Variants in ARHGAP15 observed in about 807,000 individuals in gnomAD.
ARHGAP15 encodes the protein Rho GTPase activating protein 15.
ARHGAP15 carries 51 observed loss-of-function variants against 63.7 expected under a neutral mutation model. The ratio of observed to expected loss-of-function variants is 0.80; its 90% CI spans 0.64 to 1.01. The LOEUF is 1.01. Among genes scored for constraint, ARHGAP15 ranks in the 50% least tolerant of loss-of-function variants. ARHGAP15 has a pLI of 0.00. For synonymous variants in ARHGAP15, 191 were observed against 193.8 expected (o/e 0.99, Z 0.12); for missense variants, 560 against 564.6 (o/e 0.99, Z 0.08).
In ARHGAP15 at chr2:143,410,318, T is replaced by A. The variant is rs73001525; in HGVS notation, c.475-25283T>A. On this transcript the variant is annotated intron_variant, in intron 6 of 13. Transcript: ENST00000295095. ...TTCATCAACTACTGATGTGGACACA[T>A]GTGCATAGTAACAAATTCATCTTTG... Among the ~76,000 whole-genome samples, 709 of 152,202 alleles carry A rather than the reference T, an allele frequency of 4.7e-3. 8 individuals carry two copies. The highest frequency in any genetic ancestry group is 0.016 in the African/African-American group (668 of 41,550).
intron 11 of ARHGAP15, among the ~76,000 whole-genome samples, chr2:143,593,872 T>C (rs141516340): frequency 6.6e-6 from 1 of 152,222 alleles, no homozygotes; most frequent in Non-Finnish European, 1.5e-5. Context: ...CTGTGCAAAA[T>C]ATTTATGTGC....
intron 6 of ARHGAP15, among the ~76,000 whole-genome samples, chr2:143,383,577 C>T (rs919545725): frequency 6.6e-6 from 1 of 152,130 alleles, no homozygotes; most frequent in African/African-American, 2.4e-5. Flanking sequence ...ATTTGTATAA[C>T]ATTCTCGATA....
At chr2:143,605,516 C>T (rs1017998662) in intron 11 of ARHGAP15, among the ~76,000 whole-genome samples, 4 of 152,006 alleles carry the variant, frequency 2.6e-5, no homozygotes, top group African/African-American at 9.7e-5. Context: ...AGTTGGAACC[C>T]AGGGTCAAAA....
chr2:143,403,652 C>T (rs758700378), intron 6 of ARHGAP15, among the ~76,000 whole-genome samples: 5 of 151,654 alleles, frequency 3.3e-5, no homozygotes, highest in Non-Finnish European at 4.4e-5. Flanking sequence ...GAAATATATG[C>T]GTGAGATATG....
intron 11 of ARHGAP15, among the ~76,000 whole-genome samples, chr2:143,585,221 C>A (rs1187116827): frequency 6.6e-6 from 1 of 151,902 alleles, no homozygotes; most frequent in Non-Finnish European, 1.5e-5. Flanking sequence ...ATAAAAACAC[C>A]CCAGCCTGAT....
intron 6 of ARHGAP15, among the ~76,000 whole-genome samples, chr2:143,421,284 A>T (rs1447584330): frequency 6.6e-6 from 1 of 152,216 alleles, no homozygotes; most frequent in Non-Finnish European, 1.5e-5. Flanking sequence ...AGGGTTATTG[A>T]TCACCCAGGC....
chr2:143,214,303 G>T (rs1692668903), intron 3 of ARHGAP15, among the ~76,000 whole-genome samples: 1 of 151,984 alleles, frequency 6.6e-6, no homozygotes, highest in Non-Finnish European at 1.5e-5. Flanking sequence ...TTTTTCTACG[G>T]TTACACAACA....
rs1443300065 is a variant in ARHGAP15, at chr2:143,242,923, G to A, written c.385-7588G>A. On this transcript the variant is annotated intron_variant, in intron 5 of 13. Coordinates refer to ENST00000295095, the MANE Select transcript of ARHGAP15 (RefSeq NM_018460.4). ...TTCCTCTAAACAGATTTTGTGTTTC[G>A]AGTTTCAAAATGATAAGGACAATCT... is the stretch of plus-strand genomic sequence containing the variant. Among the ~76,000 whole-genome samples the A allele has an allele frequency of 4.6e-5, 7 of 152,018 alleles. No individual in the cohort carries two copies. In the East Asian group the frequency reaches 5.8e-4, roughly 13 times the overall value.
chr2:143,701,489 T>C lies in ARHGAP15; in HGVS notation c.1139-1930T>C, dbSNP rs571576499. 9.2e-5 allele frequency among the ~76,000 whole-genome samples: 14 copies of C among 152,284 alleles called. No homozygotes were observed. The South Asian group carries it at 2.9e-3, about 32-fold the overall frequency. ...TGGCTTATACCTGTAATGCCAGCAC[T>C]TAAGGAGGCCAAGGCAGAATGATTG... On this transcript the variant is annotated intron_variant, in intron 12 of 13. Transcript: ENST00000295095.
chr2:143,625,643 GAAGA>G (rs1388764546), intron 12 of ARHGAP15, among the ~76,000 whole-genome samples: 12 of 152,112 alleles, frequency 7.9e-5, no homozygotes, highest in Non-Finnish European at 1.2e-4. Context: ...CATTTGAAAA[GAAGA>G]AATAAAAAAT....
intron 1 of ARHGAP15, 42 bp from the exon 2 acceptor site, chr2:143,155,435 T>G (rs2580857): frequency 1 from 1,467,097 of 1,472,388 alleles, 731,051 homozygotes; most frequent in East Asian, 1. Flanking sequence ...TCATGGAAAA[T>G]TGTATGTTTA....
intron 12 of ARHGAP15, among the ~76,000 whole-genome samples, chr2:143,644,174 T>A (rs1680749089): frequency 6.6e-6 from 1 of 152,106 alleles, no homozygotes; most frequent in South Asian, 2.1e-4. Context: ...TGTTAAGGTT[T>A]GATAGAGAAC....
At chr2:143,455,259 C>G (rs1460071913) in intron 8 of ARHGAP15, among the ~76,000 whole-genome samples, 1 of 152,052 alleles carries the variant, frequency 6.6e-6, no homozygotes. Context: ...TTAGAACATG[C>G]TAAAGGACAT....
chr2:143,162,011 T>A (rs535493171), intron 2 of ARHGAP15: 1 of 151,980 alleles, frequency 6.6e-6, no homozygotes, highest in Non-Finnish European at 1.5e-5. Context: ...CAAGGAAATA[T>A]TGGGATAGTT....
intron 9 of ARHGAP15, among the ~76,000 whole-genome samples, chr2:143,493,488 G>A (rs541028617): frequency 2.8e-4 from 42 of 152,170 alleles, no homozygotes; most frequent in East Asian, 1.4e-3. Context: ...TTATAATCAC[G>A]CTTTTAGTCT....
intron 6 of ARHGAP15, chr2:143,295,644 C>G (rs1682601547): frequency 6.6e-6 from 1 of 151,948 alleles, no homozygotes; most frequent in South Asian, 2.1e-4. Flanking sequence ...AAGCTGAGAA[C>G]AAAGTTTCGG....
chr2:143,370,431 T>C (rs951803705), intron 6 of ARHGAP15, among the ~76,000 whole-genome samples: 3 of 152,144 alleles, frequency 2.0e-5, no homozygotes, highest in African/African-American at 4.8e-5. Context: ...CGCACCAGCA[T>C]GGCACATGTA....
At chr2:143,732,870 A>G (rs1685593933) in intron 13 of ARHGAP15, among the ~76,000 whole-genome samples, 3 of 151,720 alleles carry the variant, frequency 2.0e-5, no homozygotes, top group Admixed American at 2.0e-4. Flanking sequence ...AGTAATATCA[A>G]GATAATAAGG....
intron 9 of ARHGAP15, among the ~76,000 whole-genome samples, chr2:143,497,165 TTGTG>T (rs999997801): frequency 1.3e-5 from 2 of 152,152 alleles, no homozygotes; most frequent in Non-Finnish European, 2.9e-5. Flanking sequence ...AACTCAAATC[TTGTG>T]TGTGTGTGTC....
Sources: allele counts gnomAD v4.1 joint callset (sites outside exome capture counted in the v4.1 genomes callset), GRCh38; gene constraint gnomAD v4.1.1; transcripts MANE v1.5; gene names NCBI Gene and HGNC (gene_info 2026-07-23, HGNC 2026-07-21).